Variants in FAM184A observed in about 807,000 individuals in gnomAD.
The protein encoded by FAM184A is family with sequence similarity 184 member A, also known as protein FAM184A.
Under a neutral mutation model 143.8 loss-of-function variants are expected in FAM184A, and 99 were observed. That is an observed-to-expected ratio of 0.69 (90% confidence interval 0.58 to 0.81). The LOEUF (loss-of-function observed/expected upper bound fraction) is 0.81, where lower values mean the gene tolerates loss of function less well. Among genes scored for constraint, FAM184A ranks in the 40% least tolerant of loss-of-function variants. The pLI, the probability that FAM184A is intolerant of heterozygous loss-of-function variation, is 0.00. For missense variants in FAM184A, 1,217 were observed against 1,310.5 expected (o/e 0.93, Z 1.10); for synonymous variants, 427 against 446.4 (o/e 0.96, Z 0.55).
At position 118,986,165 on chromosome 6, in the gene FAM184A, C is replaced by T. The variant is rs570147110; in HGVS notation, c.2089-5815G>A. On this transcript the variant is annotated intron_variant, in intron 9 of 17. Transcript: ENST00000338891. ...AAAATTAGCCGGGTGTGGCAGCGGG[C>T]GCCTGTAGTCCCAGCTACTTGGGAG... 1.8e-4 allele frequency among the ~76,000 whole-genome samples: 28 copies of T among 152,104 alleles called. No individual in the cohort carries two copies. The South Asian group carries it at 5.0e-3, about 27-fold the overall frequency.
intron 1 of FAM184A, among the ~76,000 whole-genome samples, chr6:119,109,779 C>T (rs1219915213): frequency 6.6e-6 from 1 of 152,146 alleles, no homozygotes; most frequent in Non-Finnish European, 1.5e-5. Flanking sequence ...TCCTCTTCTC[C>T]TACTTCTACT....
chr6:119,115,750 G>A (rs1789039664), intron 1 of FAM184A, among the ~76,000 whole-genome samples: 1 of 151,268 alleles, frequency 6.6e-6, no homozygotes, highest in South Asian at 2.1e-4. Flanking sequence ...ATCACCTGAG[G>A]TCAGGAGTTT....
chr6:119,051,965 C>T (rs1358403434), intron 1 of FAM184A, among the ~76,000 whole-genome samples: 27 of 152,110 alleles, frequency 1.8e-4, no homozygotes, highest in Admixed American at 1.8e-3. Context: ...CCATTGGAGG[C>T]CCAGGTTCCC....
intron 1 of FAM184A, among the ~76,000 whole-genome samples, chr6:119,083,956 G>A (rs1375428242): frequency 6.6e-6 from 1 of 152,062 alleles, no homozygotes; most frequent in Non-Finnish European, 1.5e-5. Context: ...CCTGAGACTG[G>A]GTATTTATAA....
At chr6:119,025,242 C>T (rs962576659) in intron 1 of FAM184A, among the ~76,000 whole-genome samples, 4 of 152,108 alleles carry the variant, frequency 2.6e-5, no homozygotes, top group East Asian at 1.9e-4. Flanking sequence ...CCTAGAGATA[C>T]GAGAGGCTTC....
chr6:119,024,387 G>T lies in FAM184A; in HGVS notation c.586C>A (p.Arg196=). 6.2e-7 allele frequency: 1 copy of T among 1,614,058 alleles called. No individual in the cohort carries two copies. The highest frequency in any genetic ancestry group is 8.5e-7 in the Non-Finnish European group (1 of 1,180,010). The change falls in exon 2 of 18, where the codon CGG becomes AGG. Residue 196 remains arginine (R), a synonymous_variant. Transcript: ENST00000338891. The stretch of plus-strand genomic sequence containing the variant: ...GACTTCAATAGCTCTTGTATCTCCC[G>T]TCTGTGAGCAGCTTGCAAGTCTTCC... The part of the protein sequence containing the change: ...ALEDLQAAHR[R]EIQELLKSQQ...
At chr6:119,136,672 G>A (rs967140524) in intron 1 of FAM184A, among the ~76,000 whole-genome samples, 1 of 152,140 alleles carries the variant, frequency 6.6e-6, no homozygotes, top group African/African-American at 2.4e-5. Flanking sequence ...GGGACTTGTC[G>A]GGCAGTATTT....
intron 9 of FAM184A, among the ~76,000 whole-genome samples, chr6:118,998,527 A>C (rs1399905427): frequency 2.0e-5 from 3 of 152,248 alleles, no homozygotes; most frequent in Non-Finnish European, 4.4e-5. Flanking sequence ...ACAAAGGAGA[A>C]CAAAGCATAG....
intron 6 of FAM184A, among the ~76,000 whole-genome samples, chr6:119,008,025 A>G (rs1473022803): frequency 6.6e-6 from 1 of 152,258 alleles, no homozygotes; most frequent in Non-Finnish European, 1.5e-5. Flanking sequence ...TAGAGATAGA[A>G]TATTTAAATA....
intron 1 of FAM184A, among the ~76,000 whole-genome samples, chr6:119,098,168 T>G (rs1023825308): frequency 9.2e-5 from 14 of 152,152 alleles, no homozygotes; most frequent in Admixed American, 2.0e-4. Context: ...TCTCATGAGA[T>G]CTGATGGTTT....
At chr6:119,123,616 C>T (rs1789283803) in intron 1 of FAM184A, among the ~76,000 whole-genome samples, 2 of 152,054 alleles carry the variant, frequency 1.3e-5, no homozygotes, top group Admixed American at 6.6e-5. Context: ...GGAGTCTGAC[C>T]CCGGCTCCCA....
At chr6:119,079,551 A>G (rs1334926), upstream of FAM184A, among the ~76,000 whole-genome samples, 32,499 of 152,158 alleles carry the variant, frequency 0.21, 3,804 homozygotes, top group Non-Finnish European at 0.26. Context: ...GATTTTTTAA[A>G]AAAGTTTTTG....
intron 14 of FAM184A, among the ~76,000 whole-genome samples, chr6:118,972,028 T>C (rs760933304): frequency 2.6e-5 from 4 of 152,164 alleles, no homozygotes; most frequent in Non-Finnish European, 5.9e-5. Flanking sequence ...GGAACTTCAA[T>C]AGAATCCCCT....
chr6:119,104,583 T>C (rs1164561026), intron 1 of FAM184A, among the ~76,000 whole-genome samples: 2 of 152,154 alleles, frequency 1.3e-5, no homozygotes, highest in Non-Finnish European at 2.9e-5. Flanking sequence ...ATTCTAAGAA[T>C]ATGATCTTAA....
At chr6:119,052,015 G>A (rs1365297263) in intron 1 of FAM184A, among the ~76,000 whole-genome samples, 1 of 152,120 alleles carries the variant, frequency 6.6e-6, no homozygotes, top group African/African-American at 2.4e-5. Context: ...GTCCTGAGCT[G>A]GGGTGCAGAC....
At chr6:119,065,479 CA>C (rs1318338606) in intron 1 of FAM184A, among the ~76,000 whole-genome samples, 1 of 152,184 alleles carries the variant, frequency 6.6e-6, no homozygotes, top group Non-Finnish European at 1.5e-5. Flanking sequence ...TTTAAGCTGC[CA>C]AATTTGGGGA....
upstream of FAM184A, among the ~76,000 whole-genome samples, chr6:119,083,649 C>T (rs571677432): frequency 2.6e-5 from 4 of 152,258 alleles, no homozygotes; most frequent in Admixed American, 6.5e-5. Flanking sequence ...ATAGCAAGAG[C>T]GACCTTTACT....
intron 1 of FAM184A, chr6:119,057,943 A>G (rs1414418254): frequency 6.7e-6 from 1 of 148,458 alleles, no homozygotes; most frequent in Non-Finnish European, 1.5e-5. Flanking sequence ...AGTTAGTATA[A>G]AACTCCCCCG....
chr6:119,125,505 T>A (rs1475909777), intron 1 of FAM184A, among the ~76,000 whole-genome samples: 1 of 152,222 alleles, frequency 6.6e-6, no homozygotes, highest in African/African-American at 2.4e-5. Flanking sequence ...ACTCCTGACC[T>A]CGTGATCTAG....
Sources: gnomAD v4.1 joint callset for allele counts (sites outside exome capture counted in the v4.1 genomes callset) on GRCh38, gnomAD v4.1.1 for gene constraint, MANE v1.5 for transcripts, NCBI Gene and HGNC (gene_info 2026-07-23, HGNC 2026-07-21) for gene names.